EYS: variants seen among roughly 807,000 people sequenced by gnomAD.
EYS encodes the protein EGF-like photoreceptor maintenance factor, also known as protein eyes shut homolog.
A neutral mutation model predicts 282.1 loss-of-function variants in EYS; 250 were observed. The observed-to-expected ratio is 0.89, with a 90% confidence interval of 0.80 to 0.98. The LOEUF is 0.98. Ranked by LOEUF, EYS falls within the 50% of genes least tolerant of loss-of-function variation. The pLI is 0.00. For missense variants in EYS, 4,016 were observed against 3,709.0 expected (o/e 1.08, Z -2.15); for synonymous variants, 1,355 against 1,282.9 (o/e 1.06, Z -1.20).
chr6:63,906,632 C>T (rs1451018976), intron 35 of EYS, among the ~76,000 whole-genome samples: 1 of 152,124 alleles, frequency 6.6e-6, no homozygotes, highest in Non-Finnish European at 1.5e-5. Flanking sequence ...TCTAATGTTA[C>T]ATTTTAGCAT....
chr6:64,609,921 T>A (rs1175996127), intron 24 of EYS, among the ~76,000 whole-genome samples: 1 of 150,706 alleles, frequency 6.6e-6, no homozygotes, highest in Non-Finnish European at 1.5e-5. Flanking sequence ...ATATTAACTA[T>A]ATATAGACAA....
At chr6:64,065,567 T>C (rs1771335719) in intron 33 of EYS, among the ~76,000 whole-genome samples, 1 of 152,214 alleles carries the variant, frequency 6.6e-6, no homozygotes. Context: ...CAGAAAGACA[T>C]TTCCGTTTAA....
intron 26 of EYS, among the ~76,000 whole-genome samples, chr6:64,578,278 C>T (rs1765945680): frequency 1.3e-5 from 2 of 152,048 alleles, no homozygotes; most frequent in African/African-American, 4.8e-5. Context: ...TCCTCTCCCC[C>T]ATTATATATG....
chr6:64,660,075 G>C (rs1188951775), intron 22 of EYS, among the ~76,000 whole-genome samples: 1 of 152,148 alleles, frequency 6.6e-6, no homozygotes, highest in East Asian at 1.9e-4. Flanking sequence ...TGCAAGGCTG[G>C]TTCAACATAC....
At chr6:65,264,956 A>T (rs1205231094) in intron 12 of EYS, among the ~76,000 whole-genome samples, 7 of 151,886 alleles carry the variant, frequency 4.6e-5, no homozygotes, top group Non-Finnish European at 7.4e-5. Context: ...ATTCTATTGC[A>T]TTAGTATACA....
chr6:65,126,474 C>T (rs1243287420), intron 12 of EYS, among the ~76,000 whole-genome samples: 1 of 152,112 alleles, frequency 6.6e-6, no homozygotes, highest in Non-Finnish European at 1.5e-5. Flanking sequence ...TCCATCACGT[C>T]TAATTCTTTG....
chr6:65,314,152 T>G (rs1173651559), intron 11 of EYS, among the ~76,000 whole-genome samples: 2 of 151,886 alleles, frequency 1.3e-5, no homozygotes, highest in African/African-American at 2.4e-5. Context: ...TGTGTATACA[T>G]GCTTACATGC....
intron 30 of EYS, among the ~76,000 whole-genome samples, chr6:64,248,113 A>T (rs1181573822): frequency 6.6e-6 from 1 of 152,040 alleles, no homozygotes; most frequent in Non-Finnish European, 1.5e-5. Flanking sequence ...AGATTAAGTT[A>T]TGTGTTTAAA....
chr6:64,965,796 C>T (rs180918849), intron 14 of EYS, among the ~76,000 whole-genome samples: 16 of 152,108 alleles, frequency 1.1e-4, no homozygotes, highest in Non-Finnish European at 2.1e-4. Flanking sequence ...CAGCTACCTA[C>T]AAACTATTAC....
chr6:65,611,990 A>C (rs1766017887), intron 2 of EYS, among the ~76,000 whole-genome samples: 1 of 152,024 alleles, frequency 6.6e-6, no homozygotes, highest in Non-Finnish European at 1.5e-5. Context: ...AGAAAACATT[A>C]TTTGCATATA....
In EYS at chr6:63,937,454, C is replaced by G. The variant is rs190718261; in HGVS notation, c.7055+46929G>C. On this transcript the variant is annotated intron_variant, in intron 35 of 42. Coordinates refer to ENST00000503581, the MANE Select transcript of EYS (RefSeq NM_001142800.2). Reference sequence around the variant, plus strand: ...GGAGTGCAGTGGCTCGATCTCGGCTCACTACAATCTCCGCCTCCCGGGTTC... The same window carrying G: ...GGAGTGCAGTGGCTCGATCTCGGCTGACTACAATCTCCGCCTCCCGGGTTC... 4.3e-3 allele frequency among the ~76,000 whole-genome samples: 589 copies of G among 137,556 alleles called. 3 individuals are homozygous for G. Among genetic ancestry groups the G allele is most frequent in the African/African-American group, 0.014 (535 of 36,912 alleles). The allele number at this position is 137,556 out of a possible 152,430, so 90.2% of individuals were successfully genotyped here.
chr6:64,187,448 T>C (rs1764981060), intron 31 of EYS, among the ~76,000 whole-genome samples: 1 of 152,160 alleles, frequency 6.6e-6, no homozygotes, highest in African/African-American at 2.4e-5. Context: ...TATTTCTTTG[T>C]GTTGGAAAAC....
chr6:64,806,692 G>A (rs1389424327), intron 22 of EYS, among the ~76,000 whole-genome samples: 3 of 151,722 alleles, frequency 2.0e-5, no homozygotes, highest in African/African-American at 4.8e-5. Flanking sequence ...TGGAGATAAC[G>A]ACCAAGGAGA....
chr6:64,081,943 T>C lies in EYS; in HGVS notation c.6484A>G (p.Lys2162Glu). 6.5e-7 allele frequency: 1 copy of C among 1,545,872 alleles called. No individual in the cohort carries two copies. Among genetic ancestry groups the C allele is most frequent in the Non-Finnish European group, 8.8e-7 (1 of 1,142,378 alleles). The change falls in exon 32 of 43, where the codon AAG becomes GAG. Residue 2162 changes from lysine (K) to glutamate (E), a missense_variant. Transcript: ENST00000503581. ...GNSYLELPFL[K>E]FVLEKEHNRT... The stretch of plus-strand genomic sequence containing the variant: ...TTATGTTCCTTCTCCAGGACAAACT[T>C]CAAAAAGGGCAGTTCTAAATAGGAA...
chr6:64,760,391 C>T (rs538541556), intron 22 of EYS, among the ~76,000 whole-genome samples: 14 of 152,216 alleles, frequency 9.2e-5, no homozygotes, highest in African/African-American at 3.4e-4. Flanking sequence ...GTCCTAGACA[C>T]CCCAGGAGGG....
At chr6:65,200,706 C>G (rs1162723171) in intron 12 of EYS, among the ~76,000 whole-genome samples, 1 of 148,078 alleles carries the variant, frequency 6.8e-6, no homozygotes, top group Non-Finnish European at 1.5e-5. Flanking sequence ...TGTCATCCCT[C>G]TGTTCTTTAA....
At chr6:65,207,164 G>A (rs929082268) in intron 12 of EYS, among the ~76,000 whole-genome samples, 3 of 151,498 alleles carry the variant, frequency 2.0e-5, no homozygotes, top group Non-Finnish European at 4.4e-5. Flanking sequence ...GATACATAAA[G>A]GCAGTAAAGT....
At chr6:65,180,459 G>A (rs1473027798) in intron 12 of EYS, among the ~76,000 whole-genome samples, 1 of 151,998 alleles carries the variant, frequency 6.6e-6, no homozygotes, top group African/African-American at 2.4e-5. Context: ...ATTCACAATT[G>A]CTTCAAAGAG....
intron 22 of EYS, among the ~76,000 whole-genome samples, chr6:64,666,692 A>T (rs1247838852): frequency 3.3e-5 from 5 of 152,164 alleles, no homozygotes; most frequent in Admixed American, 3.3e-4. Context: ...AACTGCTCTC[A>T]TTAAACTAGA....
Sources: allele counts gnomAD v4.1 joint callset (sites outside exome capture counted in the v4.1 genomes callset), GRCh38; gene constraint gnomAD v4.1.1; transcripts MANE v1.5; gene names NCBI Gene and HGNC (gene_info 2026-07-23, HGNC 2026-07-21).